The following F13A1 variants were observed in gnomAD, a reference collection of about 807,000 sequenced individuals.
F13A1 encodes the protein coagulation factor XIII A chain.
In F13A1, 47 loss-of-function variants were observed where a neutral mutation model predicts 80.1. The observed-to-expected ratio is 0.59, with a 90% CI of 0.46 to 0.75. F13A1 has a LOEUF of 0.75. F13A1 is among the 30% of genes least tolerant of loss of function. The pLI, the probability that F13A1 is intolerant of heterozygous loss-of-function variation, is 0.00. For synonymous variants in F13A1, 349 were observed against 344.9 expected (o/e 1.01, Z -0.13); for missense variants, 817 against 930.4 (o/e 0.88, Z 1.59).
intron 6 of F13A1, among the ~76,000 whole-genome samples, chr6:6,240,172 T>G (rs527747401): frequency 6.6e-6 from 1 of 152,258 alleles, no homozygotes; most frequent in East Asian, 1.9e-4. Flanking sequence ...ACATTTAGAT[T>G]GCCCATGATT....
intron 7 of F13A1, 46 bp from the exon 8 acceptor site, chr6:6,222,217 A>G (rs1363275698): frequency 1.2e-6 from 2 of 1,612,684 alleles, no homozygotes; most frequent in African/African-American, 2.7e-5. Context: ...CCAGCATTTA[A>G]TAAACACAGA....
At chr6:6,225,801 C>T (rs1757269213) in intron 6 of F13A1, among the ~76,000 whole-genome samples, 2 of 152,298 alleles carry the variant, frequency 1.3e-5, no homozygotes, top group East Asian at 3.9e-4. Flanking sequence ...CCATGCCTGG[C>T]CCAGAGCTTC....
intron 8 of F13A1, among the ~76,000 whole-genome samples, chr6:6,202,203 G>A (rs113080457): frequency 6.0e-5 from 9 of 150,904 alleles, no homozygotes; most frequent in South Asian, 2.1e-4. Context: ...TATTCCTTCC[G>A]TACAGACTTT....
chr6:6,224,322 CTT>C (rs1757244226), intron 7 of F13A1, among the ~76,000 whole-genome samples: 1 of 151,968 alleles, frequency 6.6e-6, no homozygotes, highest in Admixed American at 6.6e-5. Context: ...CAATATATAT[CTT>C]TTGTTATTTA....
Position 6,224,699 on chromosome 6 carries a change from A to G in F13A1, c.960T>C (p.Gly320=). ...TTGGATACTTACATGTGTTAAAGAC[A>G]CCAGCAAAAACCCAGCATTGGCCAT... is the stretch of plus-strand genomic sequence containing the variant. ...VRYGQCWVFA[G]VFNTFLRCLG... Residue 320 remains glycine (G), a synonymous_variant, in exon 7 of 15, where the codon GGT becomes GGC. Coordinates refer to ENST00000264870, the MANE Select transcript of F13A1 (RefSeq NM_000129.4). 1 of 1,614,052 alleles carries G rather than the reference A, an allele frequency of 6.2e-7. No homozygotes were observed.
At chr6:6,264,777 A>G (rs1356432352) in intron 4 of F13A1, among the ~76,000 whole-genome samples, 1 of 152,184 alleles carries the variant, frequency 6.6e-6, no homozygotes, top group Non-Finnish European at 1.5e-5. Flanking sequence ...AATGCCTCAC[A>G]TCTGGTTTTA....
At chr6:6,288,582 T>G (rs1197562561) in intron 3 of F13A1, among the ~76,000 whole-genome samples, 1 of 152,224 alleles carries the variant, frequency 6.6e-6, no homozygotes, top group East Asian at 1.9e-4. Context: ...TGCTTTCATA[T>G]CTTGGTTATT....
intron 8 of F13A1, among the ~76,000 whole-genome samples, chr6:6,221,205 T>A (rs544654341): frequency 6.6e-6 from 1 of 152,306 alleles, no homozygotes; most frequent in Admixed American, 6.5e-5. Flanking sequence ...CTCTTAGGAT[T>A]TTTTTCGTTT....
At chr6:6,199,351 G>C (rs62408019) in intron 8 of F13A1, among the ~76,000 whole-genome samples, 1 of 152,080 alleles carries the variant, frequency 6.6e-6, no homozygotes, top group African/African-American at 2.4e-5. Flanking sequence ...TTAGCTGGGC[G>C]TGGTGGCGGG....
chr6:6,203,136 C>T (rs1041196209), intron 8 of F13A1, among the ~76,000 whole-genome samples: 3 of 152,198 alleles, frequency 2.0e-5, no homozygotes, highest in Non-Finnish European at 4.4e-5. Context: ...TGCTATTCAG[C>T]CATAAAAATG....
chr6:6,175,010 A>G (rs1048481236), intron 11 of F13A1, 143 bp from the exon 12 acceptor site: 1 of 998,386 alleles, frequency 1.0e-6, no homozygotes, highest in Non-Finnish European at 1.5e-6. Flanking sequence ...GGGTGCCGTC[A>G]TTATTCCTAT....
At chr6:6,318,353 C>A (rs922092206) in intron 2 of F13A1, among the ~76,000 whole-genome samples, 182 bp downstream of exon 2, 1 of 152,220 alleles carries the variant, frequency 6.6e-6, no homozygotes, top group Non-Finnish European at 1.5e-5. Flanking sequence ...TCTGGGTCTT[C>A]GGTGCTTTCA....
intron 6 of F13A1, among the ~76,000 whole-genome samples, chr6:6,247,664 G>T (rs1417440768): frequency 1.3e-5 from 2 of 152,226 alleles, no homozygotes; most frequent in African/African-American, 4.8e-5. Context: ...AGAGCGGCAT[G>T]AAAAGTAGAA....
chr6:6,186,519 G>A (rs2151078711), intron 10 of F13A1, among the ~76,000 whole-genome samples: 1 of 152,312 alleles, frequency 6.6e-6, no homozygotes, highest in Non-Finnish European at 1.5e-5. Context: ...GTTTGTCAAA[G>A]ATCAGATAGT....
chr6:6,152,684 G>A (rs1217850517), intron 13 of F13A1, among the ~76,000 whole-genome samples: 1 of 152,084 alleles, frequency 6.6e-6, no homozygotes, highest in Non-Finnish European at 1.5e-5. Context: ...CTTTAAAATG[G>A]GCTGACACTT....
At chr6:6,195,048 G>T (rs1470873651) in intron 10 of F13A1, among the ~76,000 whole-genome samples, 2 of 152,220 alleles carry the variant, frequency 1.3e-5, no homozygotes, top group Non-Finnish European at 2.9e-5. Flanking sequence ...GGGAAGTCCT[G>T]CCTCTCAGTC....
At chr6:6,190,862 T>C (rs531722449) in intron 10 of F13A1, among the ~76,000 whole-genome samples, 39 of 152,144 alleles carry the variant, frequency 2.6e-4, no homozygotes, top group African/African-American at 8.9e-4. Flanking sequence ...ACTGCTGTGC[T>C]AGCAATCAGC....
At position 6,209,090 on chromosome 6, in the gene F13A1, TG is replaced by T. The variant is rs1342429084; in HGVS notation, c.1113-11765del. ...AGAAAATATTTACAAATCACATATA[TG>T]ATAGAGAGCTTATATGCAGAACATA... On this transcript the variant is annotated intron_variant, in intron 8 of 14. Coordinates refer to ENST00000264870, the MANE Select transcript of F13A1 (RefSeq NM_000129.4). 3.3e-5 allele frequency among the ~76,000 whole-genome samples: 5 copies of T among 152,114 alleles called. No individual in the cohort carries two copies. In the East Asian group the frequency reaches 9.6e-4, roughly 29 times the overall value.
In F13A1 at chr6:6,250,126, A is replaced by G. The variant is rs1272209251; in HGVS notation, c.690+685T>C. ...TCCCAGCCAAAACTCCTGAGAAATG[A>G]CATTCGCCCCCGCTTGTGTCGCTAA... On this transcript the variant is annotated intron_variant, in intron 5 of 14. Coordinates refer to ENST00000264870, the MANE Select transcript of F13A1 (RefSeq NM_000129.4). This position sits in a 1 kb window ranked among gnomAD's most constrained non-coding sequence, Gnocchi z 4.2. Among the ~76,000 whole-genome samples, 1 of 152,190 alleles carries G rather than the reference A, an allele frequency of 6.6e-6. No individual in the cohort carries two copies. The highest frequency in any genetic ancestry group is 1.5e-5 in the Non-Finnish European group (1 of 68,036).
Sources: gnomAD v4.1 joint callset for allele counts (sites outside exome capture counted in the v4.1 genomes callset) on GRCh38, gnomAD v4.1.1 for gene constraint, Gnocchi (gnomAD v3.1) non-coding constraint, MANE v1.5 for transcripts, NCBI Gene and HGNC (gene_info 2026-07-23, HGNC 2026-07-21) for gene names.